TRAT1: variants seen among roughly 807,000 people sequenced by gnomAD.
TRAT1 encodes the protein T-cell receptor-associated transmembrane adapter 1.
TRAT1 carries 20 observed loss-of-function variants against 20.0 expected under a neutral mutation model. The observed-to-expected ratio is 1.00, with a 90% CI of 0.70 to 1.45. The LOEUF (loss-of-function observed/expected upper bound fraction) is 1.45. TRAT1 is among the 40% of genes most tolerant of loss of function. TRAT1 has a pLI of 0.00. For synonymous variants in TRAT1, 77 were observed against 74.2 expected, an observed-to-expected ratio of 1.04 and a Z score of -0.20; for missense variants, 237 against 224.1, an observed-to-expected ratio of 1.06 and a Z score of -0.37.
chr3:108,850,105 T>C (rs1425860455), intron 5 of TRAT1, among the ~76,000 whole-genome samples: 1 of 152,144 alleles, frequency 6.6e-6, no homozygotes, highest in African/African-American at 2.4e-5. Context: ...AGCATTATCA[T>C]TCCCATTTTA....
intron 1 of TRAT1, among the ~76,000 whole-genome samples, chr3:108,827,821 T>G (rs1480316575): frequency 6.6e-6 from 1 of 152,088 alleles, no homozygotes; most frequent in Admixed American, 6.6e-5. Context: ...CCTAAAGAAA[T>G]GTACAGTGTG....
rs762384373 is a variant in TRAT1, at chr3:108,822,878, C to G, written c.-50C>G. ...AAAAGTTTGTAGGAGGATTTTTAAT[C>G]CATATATTTGTCTTATGGCTAGATA... On this transcript the variant is annotated 5_prime_UTR_variant, in exon 1 of 6. In the 5' UTR this introduces an upstream ATG that the reference lacks. Transcript: ENST00000295756. 6.4e-7 allele frequency: 1 copy of G among 1,558,932 alleles called. No homozygotes were observed. Among genetic ancestry groups the G allele is most frequent in the Non-Finnish European group, 8.8e-7 (1 of 1,133,884 alleles).
intron 2 of TRAT1, among the ~76,000 whole-genome samples, chr3:108,838,487 G>A (rs907892398): frequency 1.3e-5 from 2 of 152,088 alleles, no homozygotes; most frequent in African/African-American, 4.8e-5. Flanking sequence ...CATGGGCAAA[G>A]ATAAAAACTT....
intron 2 of TRAT1, among the ~76,000 whole-genome samples, chr3:108,835,053 TA>T (rs767519591): frequency 3.5e-4 from 53 of 152,352 alleles, no homozygotes; most frequent in Admixed American, 9.1e-4. Context: ...GAAAGAAGGA[TA>T]AACAAGCGTA....
At chr3:108,843,443 T>C (rs544563808) in intron 3 of TRAT1, among the ~76,000 whole-genome samples, 1 of 152,186 alleles carries the variant, frequency 6.6e-6, no homozygotes, top group South Asian at 2.1e-4. Context: ...GGCAGGAGAA[T>C]CACTTGAACC....
At chr3:108,837,304 G>C (rs1457494980) in intron 2 of TRAT1, among the ~76,000 whole-genome samples, 5 of 152,100 alleles carry the variant, frequency 3.3e-5, no homozygotes, top group Non-Finnish European at 7.4e-5. Flanking sequence ...CATCACTTTT[G>C]GTCCCATAGC....
rs1415721033 is a variant in TRAT1 at position 108,854,856 on chromosome 3, A to G, written c.*979A>G. On this transcript the variant is annotated 3_prime_UTR_variant, in exon 6 of 6. Transcript: ENST00000295756. Reference sequence around the variant, plus strand: ...CAATGTTTCTTTCAATAATTAAAAAATACTGCTTCACTGTCTTCTCTCTGT... The same window carrying G: ...CAATGTTTCTTTCAATAATTAAAAAGTACTGCTTCACTGTCTTCTCTCTGT... The G allele has an allele frequency of 6.6e-6, 1 of 152,170 alleles. No individual in the cohort carries two copies. The highest frequency in any genetic ancestry group is 2.4e-5 in the African/African-American group (1 of 41,466). 9.4% of individuals were successfully genotyped at this position (152,170 alleles called of 1,614,324 possible).
intron 1 of TRAT1, among the ~76,000 whole-genome samples, chr3:108,825,350 T>C (rs753213358): frequency 6.6e-6 from 1 of 152,138 alleles, no homozygotes; most frequent in Non-Finnish European, 1.5e-5. Flanking sequence ...TGGAATCAAA[T>C]GGTGAAAACA....
intron 2 of TRAT1, among the ~76,000 whole-genome samples, chr3:108,836,355 C>A (rs756699233): frequency 8.5e-5 from 13 of 152,186 alleles, no homozygotes; most frequent in Non-Finnish European, 1.9e-4. Flanking sequence ...TCCATACCTA[C>A]TTTTTCTTAT....
chr3:108,851,929 A>G (rs2107516962), intron 5 of TRAT1, among the ~76,000 whole-genome samples: 1 of 152,362 alleles, frequency 6.6e-6, no homozygotes, highest in East Asian at 1.9e-4. Flanking sequence ...ATAAATGAAG[A>G]AAACAGGTTG....
intron 1 of TRAT1, among the ~76,000 whole-genome samples, chr3:108,824,933 A>G (rs1945722831): frequency 6.6e-6 from 1 of 152,204 alleles, no homozygotes; most frequent in South Asian, 2.1e-4. Flanking sequence ...CAGATATGGT[A>G]ACATTTCCTC....
chr3:108,852,156 G>T (rs538989446), intron 5 of TRAT1, among the ~76,000 whole-genome samples: 3 of 152,142 alleles, frequency 2.0e-5, no homozygotes, highest in African/African-American at 7.2e-5. Flanking sequence ...CGAGGCGGGC[G>T]GATCACCTGA....
At chr3:108,830,928 C>G in intron 2 of TRAT1, 148 bp downstream of exon 2, 3 of 606,852 alleles carry the variant, frequency 4.9e-6, no homozygotes, top group Non-Finnish European at 2.9e-6. Context: ...ATTTTTCTCG[C>G]CCAAAGGGTT....
chr3:108,832,825 A>G (rs1410467916), intron 2 of TRAT1, among the ~76,000 whole-genome samples: 2 of 152,170 alleles, frequency 1.3e-5, no homozygotes, highest in African/African-American at 4.8e-5. Flanking sequence ...CTTAATAGTC[A>G]ATTTTTTCAG....
chr3:108,842,635 G>C (rs1409821266), intron 3 of TRAT1, among the ~76,000 whole-genome samples: 1 of 152,088 alleles, frequency 6.6e-6, no homozygotes, highest in Admixed American at 6.5e-5. Flanking sequence ...AGAATTTCGG[G>C]GTTCCCCAAA....
intron 5 of TRAT1, among the ~76,000 whole-genome samples, chr3:108,851,451 C>T (rs1945997271): frequency 6.6e-6 from 1 of 152,126 alleles, no homozygotes; most frequent in African/African-American, 2.4e-5. Flanking sequence ...TCTTTTCCTC[C>T]TATGTCAGAA....
rs144914910 is a variant in TRAT1 at position 108,853,870 on chromosome 3, T to C, written c.554T>C (p.Ile185Thr). 3.0e-5 allele frequency: 48 copies of C among 1,613,510 alleles called. No individual in the cohort carries two copies. In the Middle Eastern group the frequency reaches 8.2e-4, roughly 28 times the overall value. Residue 185 changes from isoleucine (I) to threonine (T), a missense_variant, in exon 6 of 6, where the codon ATA becomes ACA. Ile to Thr is a moderately conservative substitution (Grantham distance 89). Transcript: ENST00000295756. ...TTGATCCGTGCTAAGAGAGAACCTA[T>C]AAACTAGCTGGACCATGATCTAGTT... The part of the protein sequence containing the change: ...FGLIRAKREP[I>T]N
intron 1 of TRAT1, among the ~76,000 whole-genome samples, chr3:108,827,384 ATGTGTGTGTGTG>A (rs71103493): frequency 3.2e-4 from 46 of 145,198 alleles, no homozygotes; most frequent in Admixed American, 1.6e-3. Context: ...GTATGTGTGT[ATGTGTGTGTGTG>A]TGTGTGTGTG....
intron 2 of TRAT1, among the ~76,000 whole-genome samples, chr3:108,834,015 G>T (rs1296513459): frequency 6.6e-6 from 1 of 151,948 alleles, no homozygotes; most frequent in African/African-American, 2.4e-5. Flanking sequence ...GGTTTCTCTG[G>T]CTACTTTGCT....
Sources: gnomAD v4.1 joint callset for allele counts (sites outside exome capture counted in the v4.1 genomes callset) on GRCh38, gnomAD v4.1.1 for gene constraint, MANE v1.5 for transcripts, NCBI Gene and HGNC (gene_info 2026-07-23, HGNC 2026-07-21) for gene names.